RPL12: variants seen among roughly 807,000 people sequenced by gnomAD.
RPL12 encodes large ribosomal subunit protein uL11.
In RPL12, 10 loss-of-function variants were observed where a neutral mutation model predicts 24.5. That is an observed-to-expected ratio of 0.41 (90% CI 0.25 to 0.69). The LOEUF (loss-of-function observed/expected upper bound fraction) is 0.69, where lower values mean the gene tolerates loss of function less well. Among genes scored for constraint, RPL12 ranks in the 30% least tolerant of loss-of-function variants. The probability of loss-of-function intolerance (pLI) is 0.33; values close to 1 mark genes in which losing one functional copy is unlikely to be tolerated. For missense variants in RPL12, 137 were observed against 205.3 expected, an observed-to-expected ratio of 0.67 and a Z score of 2.03; for synonymous variants, 74 against 76.1, an observed-to-expected ratio of 0.97 and a Z score of 0.14.
At chr9:127,448,019 G>A (rs755547268) in intron 5 of RPL12, 30 bp from the exon 6 acceptor site, 2 of 1,582,752 alleles carry the variant, frequency 1.3e-6, no homozygotes, top group Non-Finnish European at 8.6e-7. Flanking sequence ...GGCATTGGAG[G>A]TGCTGGCTCA....
intron 4 of RPL12, 24 bp downstream of exon 4, chr9:127,449,257 C>T: frequency 6.2e-7 from 1 of 1,602,988 alleles, no homozygotes; most frequent in Non-Finnish European, 8.5e-7. Context: ...TTACCAAAAC[C>T]AAACTAGGGA....
chr9:127,447,759 T>C, intron 6 of RPL12, 33 bp from the exon 7 acceptor site: 4 of 1,613,104 alleles, frequency 2.5e-6, no homozygotes, highest in Non-Finnish European at 3.4e-6. Context: ...CAGTAAAAAG[T>C]TTAAAAGGAT....
chr9:127,448,390 A>G lies in RPL12; in HGVS notation c.326T>C (p.Ile109Thr), dbSNP rs774278549. 19 of 1,613,908 alleles carry G rather than the reference A, an allele frequency of 1.2e-5. No individual in the cohort carries two copies. The Admixed American group carries it at 1.8e-4, about 16-fold the overall frequency. Reference protein sequence around the residue: ...KHSGNITFDEIVNIARQMRHR... With the variant: ...KHSGNITFDETVNIARQMRHR... ...CCGCATCTGTCGAGCAATGTTGACAATCTCATCAAAAGTGATATTCCCACT... is the reference window on the plus strand; with the variant it reads ...CCGCATCTGTCGAGCAATGTTGACAGTCTCATCAAAAGTGATATTCCCACT... Residue 109 changes from isoleucine to threonine, a missense_variant, in exon 5 of 7, where the codon ATT becomes ACT. Coordinates refer to ENST00000361436, the MANE Select transcript of RPL12 (RefSeq NM_000976.4).
At chr9:127,448,240 T>C in intron 5 of RPL12, 97 bp downstream of exon 5, 1 of 1,108,732 alleles carries the variant, frequency 9.0e-7, no homozygotes. Context: ...GCACCCCATC[T>C]TGGGTCTCAC....
Position 127,449,641 on chromosome 9 carries a change from A to G in RPL12, c.179T>C (p.Val60Ala). 1 of 1,614,108 alleles carries G rather than the reference A, an allele frequency of 6.2e-7. No individual in the cohort carries two copies. The highest frequency in any genetic ancestry group is 1.3e-5 in the African/African-American group (1 of 75,006). ...CTGTCTGTTCTGAATGGTCAGTTTC[A>G]CTGTAATCCTCAGGCCCTTCCAGTC... is the stretch of plus-strand genomic sequence containing the variant. ...TGDWKGLRIT[V>A]KLTIQNRQAQ... Residue 60 changes from valine (V) to alanine (A), a missense_variant, in exon 3 of 7, where the codon GTG becomes GCG. This residue lies in a region of RPL12 where 118 missense variants were observed against 160.7 expected (regional missense o/e 0.73). Coordinates refer to ENST00000361436, the MANE Select transcript of RPL12 (RefSeq NM_000976.4).
At chr9:127,450,921 G>C in intron 1 of RPL12, 117 bp from the exon 2 acceptor site, 2 of 808,888 alleles carry the variant, frequency 2.5e-6, no homozygotes, top group Non-Finnish European at 4.0e-6. Flanking sequence ...AGCACAGAGC[G>C]CGAGGCGGGC....
At chr9:127,448,277 T>G in intron 5 of RPL12, 60 bp downstream of exon 5, 1 of 1,343,094 alleles carries the variant, frequency 7.4e-7, no homozygotes, top group Non-Finnish European at 1.1e-6. Flanking sequence ...AAGAAGAATG[T>G]TATCACTCAG....
intron 1 of RPL12, 122 bp from the exon 2 acceptor site, chr9:127,450,926 G>T: frequency 1.3e-6 from 1 of 791,796 alleles, no homozygotes; most frequent in Non-Finnish European, 2.0e-6. Context: ...AGAGCGCGAG[G>T]CGGGCCACCC....
Position 127,450,738 on chromosome 9 carries a change from AG to A in RPL12, c.103del (p.Leu35TrpfsTer22). ...TSALAPKIGP[L>X]GLSPKKVGDD... The stretch of plus-strand genomic sequence containing the variant: ...TTGGAGGGGATAACGTACCAGACCC[AG>A]GGGGCCGATCTTGGGGGCCAGGGCA... On this transcript the variant is annotated frameshift_variant, in exon 2 of 7. Coordinates refer to ENST00000361436, the MANE Select transcript of RPL12 (RefSeq NM_000976.4). LOFTEE classifies it high-confidence loss of function. 1.9e-6 allele frequency: 3 copies of A among 1,580,382 alleles called. No homozygotes were observed. Among genetic ancestry groups the A allele is most frequent in the Admixed American group, 1.9e-5 (1 of 52,320 alleles).
chr9:127,448,713 A>G, intron 4 of RPL12: 1 of 602,960 alleles, frequency 1.7e-6, no homozygotes, highest in Non-Finnish European at 3.1e-6. Flanking sequence ...ATTGCCAGGG[A>G]GTTAAACTGC....
intron 5 of RPL12, 33 bp from the exon 6 acceptor site, chr9:127,448,022 C>A: frequency 1.3e-6 from 2 of 1,578,878 alleles, no homozygotes; most frequent in South Asian, 1.2e-5. Flanking sequence ...ATTGGAGGTG[C>A]TGGCTCAGTC....
chr9:127,448,231 C>T (rs1376322057), intron 5 of RPL12, 106 bp downstream of exon 5: 3 of 1,055,224 alleles, frequency 2.8e-6, no homozygotes, highest in East Asian at 4.7e-5. Context: ...CAGAAAACTG[C>T]ACCCCATCTT....
At chr9:127,451,176 T>C in intron 1 of RPL12, 105 bp downstream of exon 1, 1 of 1,472,312 alleles carries the variant, frequency 6.8e-7, no homozygotes, top group Non-Finnish European at 9.2e-7. Flanking sequence ...GGAAGGTCTC[T>C]GGGAGGCAGC....
At chr9:127,449,569 C>A in intron 3 of RPL12, 41 bp downstream of exon 3, 1 of 1,511,224 alleles carries the variant, frequency 6.6e-7, no homozygotes, top group Admixed American at 1.7e-5. Context: ...TGCTACCTGT[C>A]CCCCCACCCT....
Position 127,449,670 on chromosome 9 carries a change from C to G in RPL12, c.150G>C (p.Thr50=), listed in dbSNP as rs566932341. 6.2e-7 allele frequency: 1 copy of G among 1,614,074 alleles called. No individual in the cohort carries two copies. The highest frequency in any genetic ancestry group is 1.1e-5 in the South Asian group (1 of 91,088). ...TAATCCTCAGGCCCTTCCAGTCACC[C>G]GTTGCCTTGGCAATGTCATCACCAA... ...KKVGDDIAKA[T]GDWKGLRITV... is the part of the protein sequence containing the mutation. Residue 50 remains threonine (T), a synonymous_variant, in exon 3 of 7, where the codon ACG becomes ACC. Coordinates refer to ENST00000361436, the MANE Select transcript of RPL12 (RefSeq NM_000976.4).
intron 3 of RPL12, 36 bp downstream of exon 3, chr9:127,449,574 C>A (rs767413847): frequency 5.6e-5 from 87 of 1,564,836 alleles, no homozygotes; most frequent in Non-Finnish European, 6.8e-5. Flanking sequence ...CCTGTCCCCC[C>A]ACCCTCCTCT....
rs766537993 is a variant in RPL12 at position 127,448,429 on chromosome 9, G to T, written c.293-6C>A. 1.9e-6 allele frequency: 3 copies of T among 1,599,304 alleles called. No individual in the cohort carries two copies. Among genetic ancestry groups the T allele is most frequent in the Non-Finnish European group, 2.6e-6 (3 of 1,166,542 alleles). ...GATATTCCCACTGTGTTTAACTGCA[G>T]AAGAGGAAACAGCAAAAGCTCTTTT... is the stretch of plus-strand genomic sequence containing the variant. On this transcript the variant is annotated splice_region_variant and splice_polypyrimidine_tract_variant and intron_variant, in intron 4 of 6. Coordinates refer to ENST00000361436, the MANE Select transcript of RPL12 (RefSeq NM_000976.4).
In RPL12 at chr9:127,447,947, C is replaced by G; in HGVS notation, c.422G>C (p.Cys141Ser). 6.2e-7 allele frequency: 1 copy of G among 1,613,678 alleles called. No individual in the cohort carries two copies. Among genetic ancestry groups the G allele is most frequent in the South Asian group, 1.1e-5 (1 of 90,950 alleles). The change falls in exon 6 of 7, where the codon TGT (cysteine) becomes TCT (serine). Residue 141 changes from cysteine to serine, a missense_variant. By Grantham distance (112) the Cys-to-Ser change is moderately radical. Transcript: ENST00000361436. ...ATGAGGATGGCGGCCATCAACATTA[C>G]AGCCCACTGACTGGGCAGTCCCCAG... The part of the protein sequence containing the change: ...EILGTAQSVG[C>S]NVDGRHPHDI...
chr9:127,448,651 C>A, intron 4 of RPL12: 1 of 739,574 alleles, frequency 1.4e-6, no homozygotes, highest in South Asian at 1.4e-5. Flanking sequence ...CAAAACCAAG[C>A]CTTCACAAAT....
Sources: allele counts gnomAD v4.1 joint callset, GRCh38; gene constraint gnomAD v4.1.1; regional missense constraint gnomAD v4.1.1; transcripts MANE v1.5; gene names NCBI Gene and HGNC (gene_info 2026-07-23, HGNC 2026-07-21).